Variants in PPP6R2 observed in about 807,000 individuals in gnomAD.
PPP6R2 encodes protein phosphatase 6 regulatory subunit 2, also known as serine/threonine-protein phosphatase 6 regulatory subunit 2.
In PPP6R2, 62 loss-of-function variants were observed where a neutral mutation model predicts 100.2. The ratio of observed to expected loss-of-function variants is 0.62; its 90% CI spans 0.50 to 0.76. The LOEUF (loss-of-function observed/expected upper bound fraction) is 0.76, where lower values mean the gene tolerates loss of function less well. Among genes scored for constraint, PPP6R2 ranks in the 30% least tolerant of loss-of-function variants. The probability of loss-of-function intolerance (pLI) is 0.00; values close to 1 mark genes in which losing one functional copy is unlikely to be tolerated. For missense variants in PPP6R2, 1,142 were observed against 1,276.3 expected (o/e 0.89, Z 1.60); for synonymous variants, 525 against 514.7 (o/e 1.02, Z -0.27).
chr22:50,374,226 A>G (rs1304104760), intron 2 of PPP6R2, among the ~76,000 whole-genome samples: 1 of 152,064 alleles, frequency 6.6e-6, no homozygotes, highest in Non-Finnish European at 1.5e-5. Flanking sequence ...AAAAATTAAG[A>G]TGACCCAGCT....
the PPP6R2 span, among the ~76,000 whole-genome samples, chr22:50,334,933 A>G: frequency 1.3e-5 from 2 of 152,092 alleles, no homozygotes; most frequent in Non-Finnish European, 2.9e-5. Context: ...CCTGGGCAAC[A>G]GAGTGAGACT....
chr22:50,440,900 C>T lies in PPP6R2; in HGVS notation c.2453C>T (p.Ser818Phe), dbSNP rs1239135334. ...APLLASDSSS[S>F]GGSHSEDGDQ... ...CTGCTGGCCTCTGACAGTAGCTCCT[C>T]TGGGGGCTCCCACAGCGAGGATGGC... The change falls in exon 22 of 24, where the codon TCT becomes TTT. Residue 818 changes from serine to phenylalanine, a missense_variant. Around this residue, in one of 2 missense-constraint regions of PPP6R2, gnomAD observed 550 missense variants for 517.4 expected, o/e 1.06. Transcript: ENST00000612753. 1.2e-5 allele frequency: 19 copies of T among 1,613,718 alleles called. No individual in the cohort carries two copies. Among genetic ancestry groups the T allele is most frequent in the Non-Finnish European group, 1.6e-5 (19 of 1,180,016 alleles).
intron 3 of PPP6R2, among the ~76,000 whole-genome samples, chr22:50,399,769 TG>T (rs2057720262): frequency 6.6e-6 from 1 of 152,260 alleles, no homozygotes; most frequent in African/African-American, 2.4e-5. Context: ...GAGCAGCCCT[TG>T]GCTGAAAAGC....
intron 2 of PPP6R2, among the ~76,000 whole-genome samples, chr22:50,383,781 A>C (rs117697857): frequency 2.0e-5 from 3 of 152,128 alleles, no homozygotes; most frequent in African/African-American, 7.2e-5. Context: ...TCATGACTGT[A>C]ATTGCAGCAC....
intron 2 of PPP6R2, among the ~76,000 whole-genome samples, chr22:50,388,393 C>CA (rs745823253): frequency 0.38 from 48,105 of 125,308 alleles, 10,038 homozygotes; most frequent in African/African-American, 0.59. Flanking sequence ...GACCCTATCT[C>CA]AAAAAAAAAA....
rs1451530649 is a variant in PPP6R2 at position 50,431,425 on chromosome 22, C to G, written c.1335+43C>G. 1.3e-6 allele frequency: 2 copies of G among 1,545,316 alleles called. No individual in the cohort carries two copies. Among genetic ancestry groups the G allele is most frequent in the South Asian group, 1.1e-5 (1 of 88,844 alleles). ...CCATCTTATCAGCGCCAACTGCGCC[C>G]CACTCAGACCGTGTCCATGTCAGCG... On this transcript the variant is annotated intron_variant, in intron 11 of 23. Transcript: ENST00000612753. The surrounding 1 kb of genome is among the most constrained non-coding windows in gnomAD (Gnocchi z 4.8).
At chr22:50,332,813 G>C in the PPP6R2 span, among the ~76,000 whole-genome samples, 1 of 151,662 alleles carries the variant, frequency 6.6e-6, no homozygotes, top group Non-Finnish European at 1.5e-5. Context: ...TAGTAGAGAC[G>C]GGGTTTCACC....
At chr22:50,434,224 G>A (rs2063703037) in intron 12 of PPP6R2, among the ~76,000 whole-genome samples, 1 of 75,806 alleles carries the variant, frequency 1.3e-5, no homozygotes, top group Non-Finnish European at 2.7e-5. Context: ...AGGGCTGGGG[G>A]CATGGATGCT....
At chr22:50,392,339 A>AG (rs1491483836) in intron 2 of PPP6R2, among the ~76,000 whole-genome samples, 3 of 105,448 alleles carry the variant, frequency 2.8e-5, no homozygotes, top group African/African-American at 1.3e-4. Context: ...CTGTCTCTAC[A>AG]GAAAAAAAAA....
chr22:50,422,147 G>T, intron 8 of PPP6R2, 107 bp from the exon 9 acceptor site: 1 of 1,441,432 alleles, frequency 6.9e-7, no homozygotes. Context: ...TTTCTTTTTG[G>T]GAAAGTTAAA....
intron 1 of PPP6R2, among the ~76,000 whole-genome samples, chr22:50,348,330 G>A (rs1366205138): frequency 1.3e-5 from 2 of 152,180 alleles, no homozygotes; most frequent in Non-Finnish European, 2.9e-5. Flanking sequence ...TGGGAGCTGG[G>A]TGTAGTGATT....
chr22:50,343,083 C>T (rs2042588006), upstream of PPP6R2, among the ~76,000 whole-genome samples: 2 of 152,296 alleles, frequency 1.3e-5, no homozygotes, highest in East Asian at 1.9e-4. Context: ...AAACTTTAGC[C>T]AATACCTCAA....
In PPP6R2 at chr22:50,393,902, C is replaced by A; in HGVS notation, c.-7C>A. ...TTGCCCTCGTTTGCAGCTCTGCGGC[C>A]GTCACGATGTTCTGGAAGTTTGACT... On this transcript the variant is annotated 5_prime_UTR_variant, in exon 3 of 24. Transcript: ENST00000612753. 3 of 1,614,112 alleles carry A rather than the reference C, an allele frequency of 1.9e-6. No homozygotes were observed. The highest frequency in any genetic ancestry group is 2.2e-5 in the South Asian group (2 of 91,082).
intron 1 of PPP6R2, among the ~76,000 whole-genome samples, chr22:50,364,434 T>C (rs1460339299): frequency 6.6e-6 from 1 of 152,200 alleles, no homozygotes; most frequent in African/African-American, 2.4e-5. Flanking sequence ...GTAGAAACAT[T>C]TGTTTAAGAA....
intron 1 of PPP6R2, among the ~76,000 whole-genome samples, chr22:50,348,708 C>T (rs1602007237): frequency 6.6e-6 from 1 of 152,066 alleles, no homozygotes; most frequent in Non-Finnish European, 1.5e-5. Context: ...GAGGAGAGGC[C>T]AAGCCGCAGG....
chr22:50,338,292 GTGTA>G, the PPP6R2 span, among the ~76,000 whole-genome samples: 1 of 147,686 alleles, frequency 6.8e-6, no homozygotes, highest in Non-Finnish European at 1.5e-5. Context: ...TGTTTGTGGT[GTGTA>G]GTGTGTGGTG....
chr22:50,403,965 T>C (rs912997440), intron 3 of PPP6R2, among the ~76,000 whole-genome samples: 2 of 152,184 alleles, frequency 1.3e-5, no homozygotes, highest in Non-Finnish European at 2.9e-5. Context: ...GGTCCAGTGC[T>C]AGGGCTGCCT....
At chr22:50,382,768 G>A (rs1466310949) in intron 2 of PPP6R2, among the ~76,000 whole-genome samples, 1 of 151,802 alleles carries the variant, frequency 6.6e-6, no homozygotes, top group Non-Finnish European at 1.5e-5. Flanking sequence ...GAGAAATTGA[G>A]TGCAATCCCA....
intron 4 of PPP6R2, among the ~76,000 whole-genome samples, chr22:50,408,563 G>A (rs1240926887): frequency 6.6e-6 from 1 of 152,118 alleles, no homozygotes; most frequent in Non-Finnish European, 1.5e-5. Flanking sequence ...GGGAGTGGAG[G>A]CAGCGGGGAG....
Sources: allele counts gnomAD v4.1 joint callset (sites outside exome capture counted in the v4.1 genomes callset), GRCh38; gene constraint gnomAD v4.1.1; regional missense constraint gnomAD v4.1.1; non-coding constraint Gnocchi (gnomAD v3.1); transcripts MANE v1.5; gene names NCBI Gene and HGNC (gene_info 2026-07-23, HGNC 2026-07-21).